The following PTH1R variants were observed in gnomAD, a reference collection of about 807,000 sequenced individuals.
PTH1R encodes the protein parathyroid hormone/parathyroid hormone-related peptide receptor.
PTH1R carries 32 observed loss-of-function variants against 70.7 expected under a neutral mutation model. The observed-to-expected ratio is 0.45, with a 90% CI of 0.34 to 0.61. PTH1R has a LOEUF of 0.61. Among genes scored for constraint, PTH1R ranks in the 20% least tolerant of loss-of-function variants. The pLI, the probability that PTH1R is intolerant of heterozygous loss-of-function variation, is 0.01. For missense variants in PTH1R, 626 were observed against 792.5 expected (o/e 0.79, Z 2.52); for synonymous variants, 329 against 324.8 (o/e 1.01, Z -0.14).
chr3:46,883,360 T>C lies in PTH1R; in HGVS notation c.-48-152T>C, dbSNP rs1559527370. On this transcript the variant is annotated intron_variant, in intron 2 of 15. Transcript: ENST00000449590. The surrounding 1 kb of genome is among the most constrained non-coding windows in gnomAD (Gnocchi z 6.4). The stretch of plus-strand genomic sequence containing the variant: ...CCCTCCCTCCCTCCCTCCTTTGCGC[T>C]GCTCGCTCGCTCGCTCGCTCGCTCG... 1 of 140,898 alleles carries C rather than the reference T, an allele frequency of 7.1e-6. No homozygotes were observed. Among genetic ancestry groups the C allele is most frequent in the South Asian group, 2.5e-4 (1 of 4,008 alleles). 8.7% of individuals were successfully genotyped at this position (140,898 alleles called of 1,614,324 possible).
chr3:46,882,810 C>A lies in PTH1R; in HGVS notation c.-48-702C>A, dbSNP rs2106952188. Among the ~76,000 whole-genome samples, 1 of 152,094 alleles carries A rather than the reference C, an allele frequency of 6.6e-6. No homozygotes were observed. The highest frequency in any genetic ancestry group is 2.1e-4 in the South Asian group (1 of 4,824). Reference sequence around the variant, plus strand: ...GGGGCCGCTGCGCGCCCGAGCCGCACAGGCGCAAGCGGGGCTCTGGCCAAG... The same window carrying A: ...GGGGCCGCTGCGCGCCCGAGCCGCAAAGGCGCAAGCGGGGCTCTGGCCAAG... On this transcript the variant is annotated intron_variant, in intron 2 of 15. Transcript: ENST00000449590. This position sits in a 1 kb window ranked among gnomAD's most constrained non-coding sequence, Gnocchi z 4.3.
rs2032121582 is a variant in PTH1R at position 46,901,569 on chromosome 3, C to T, written c.1116+89C>T. 4.1e-6 allele frequency: 6 copies of T among 1,462,170 alleles called. No individual in the cohort carries two copies. The highest frequency in any genetic ancestry group is 3.7e-6 in the Non-Finnish European group (4 of 1,069,118). 90.6% of individuals were successfully genotyped at this position (1,462,170 alleles called of 1,614,324 possible). ...CAGCCCCTGACAGGGACCTAGGAGG[C>T]TTCCCTGGACCCCAGTGTCAGAGCT... On this transcript the variant is annotated intron_variant, in intron 12 of 15. Coordinates refer to ENST00000449590, the MANE Select transcript of PTH1R (RefSeq NM_000316.3). The surrounding 1 kb of genome is among the most constrained non-coding windows in gnomAD (Gnocchi z 7.3).
chr3:46,901,270 G>C lies in PTH1R; in HGVS notation c.1050-144G>C. 6 of 1,252,722 alleles carry C rather than the reference G, an allele frequency of 4.8e-6. No individual in the cohort carries two copies. The allele number at this position is 1,252,722 out of a possible 1,614,324, so 77.6% of individuals were successfully genotyped here. On this transcript the variant is annotated intron_variant, in intron 11 of 15. Coordinates refer to ENST00000449590, the MANE Select transcript of PTH1R (RefSeq NM_000316.3). This position sits in a 1 kb window ranked among gnomAD's most constrained non-coding sequence, Gnocchi z 7.3. ...AGGCTACTTCCAAAGAGGCCTGTGA[G>C]GGAGGCCTCAGGCCTGGCCACACCC... is the stretch of plus-strand genomic sequence containing the variant.
intron 3 of PTH1R, among the ~76,000 whole-genome samples, chr3:46,886,230 G>A (rs1553641650): frequency 6.6e-6 from 1 of 152,234 alleles, no homozygotes. Flanking sequence ...AGCTCAGCAT[G>A]GGGCAGGCCT....
At position 46,884,641 on chromosome 3, in the gene PTH1R, G is replaced by A. The variant is rs1027713914; in HGVS notation, c.75+1007G>A. Among the ~76,000 whole-genome samples the A allele has an allele frequency of 6.6e-6, 1 of 152,146 alleles. No homozygotes were observed. Among genetic ancestry groups the A allele is most frequent in the Non-Finnish European group, 1.5e-5 (1 of 68,018 alleles). ...GCCTCTTCTCCCTGCTCCCCAGTGG[G>A]GGTATCTGCCTGCTAGAGAGCAGGG... On this transcript the variant is annotated intron_variant, in intron 3 of 15. Coordinates refer to ENST00000449590, the MANE Select transcript of PTH1R (RefSeq NM_000316.3). The surrounding 1 kb of genome is among the most constrained non-coding windows in gnomAD (Gnocchi z 4.8).
chr3:46,897,859 C>T lies in PTH1R; in HGVS notation c.318C>T (p.Arg106=). ...EAPTGSRYRG[R]PCLPEWDHIL... ...CCTGTCTGTCTCTGGGCACAGGGCGCCCCTGTCTGCCGGAATGGGACCACA... is the reference window on the plus strand; with the variant it reads ...CCTGTCTGTCTCTGGGCACAGGGCGTCCCTGTCTGCCGGAATGGGACCACA... Residue 106 remains arginine, a synonymous_variant, in exon 6 of 16, where the codon CGC becomes CGT. Transcript: ENST00000449590. 2 of 1,612,926 alleles carry T rather than the reference C, an allele frequency of 1.2e-6. No individual in the cohort carries two copies. Among genetic ancestry groups the T allele is most frequent in the Non-Finnish European group, 1.7e-6 (2 of 1,179,888 alleles).
chr3:46,893,330 C>G lies in PTH1R; in HGVS notation c.76-577C>G, dbSNP rs1351667841. On this transcript the variant is annotated intron_variant, in intron 3 of 15. Transcript: ENST00000449590. This position sits in a 1 kb window ranked among gnomAD's most constrained non-coding sequence, Gnocchi z 5.2. Reference sequence around the variant, plus strand: ...CGCATGCCAACAGTTCCTCCATCCTCTCTTTCTCTCTCTTGGGATTGTAAG... The same window carrying G: ...CGCATGCCAACAGTTCCTCCATCCTGTCTTTCTCTCTCTTGGGATTGTAAG... Among the ~76,000 whole-genome samples, 1 of 152,180 alleles carries G rather than the reference C, an allele frequency of 6.6e-6. No homozygotes were observed.
At chr3:46,887,485 A>G (rs937700138) in intron 3 of PTH1R, among the ~76,000 whole-genome samples, 1 of 148,508 alleles carries the variant, frequency 6.7e-6, no homozygotes, top group African/African-American at 2.5e-5. Flanking sequence ...AAAGAGAGAG[A>G]GTCAATCAAT....
At chr3:46,900,906 C>T in intron 10 of PTH1R, 119 bp from the exon 11 acceptor site, 2 of 1,121,512 alleles carry the variant, frequency 1.8e-6, no homozygotes, top group Non-Finnish European at 2.6e-6. Flanking sequence ...GGACCAAGTG[C>T]CCAGTGTCAG....
chr3:46,879,689 G>T lies in PTH1R; in HGVS notation c.-105-1373G>T, dbSNP rs539749177. ...TTGAGCCCAGGAGGTCAAGGCTGCT[G>T]TGAGCCATGACCGTGCCACTGCACT... is the stretch of plus-strand genomic sequence containing the variant. On this transcript the variant is annotated intron_variant, in intron 1 of 15. Transcript: ENST00000449590. This position sits in a 1 kb window ranked among gnomAD's most constrained non-coding sequence, Gnocchi z 4.7. Among the ~76,000 whole-genome samples the T allele has an allele frequency of 2.0e-4, 31 of 152,314 alleles. No individual in the cohort carries two copies. Among genetic ancestry groups the T allele is most frequent in the Non-Finnish European group, 4.3e-4 (29 of 68,032 alleles).
At chr3:46,897,320 C>T (rs1289934943) in intron 5 of PTH1R, among the ~76,000 whole-genome samples, 1 of 152,228 alleles carries the variant, frequency 6.6e-6, no homozygotes, top group African/African-American at 2.4e-5. Context: ...GTACCTGTAT[C>T]GCAGAGGCCA....
Position 46,902,154 on chromosome 3 carries a change from G to A in PTH1R, c.1211+294G>A, listed in dbSNP as rs1322492429. ...AAGAGTTGGTTGCAGGGGGTCTGAG[G>A]AACAGGTAGGCGGTGAGTGGCCCCG... On this transcript the variant is annotated intron_variant, in intron 13 of 15. Transcript: ENST00000449590. This position sits in a 1 kb window ranked among gnomAD's most constrained non-coding sequence, Gnocchi z 5.4. Among the ~76,000 whole-genome samples the A allele has an allele frequency of 6.6e-6, 1 of 152,174 alleles. No individual in the cohort carries two copies. Among genetic ancestry groups the A allele is most frequent in the African/African-American group, 2.4e-5 (1 of 41,436 alleles).
rs1202184186 is a variant in PTH1R at position 46,883,648 on chromosome 3, C to G, written c.75+14C>G. The G allele has an allele frequency of 5.8e-6, 9 of 1,545,856 alleles. No individual in the cohort carries two copies. The African/African-American group carries it at 1.1e-4, about 19-fold the overall frequency. ...GCGTACGCGCTGGTGAGTCCCCCGC[C>G]GCCAACACTCCGGGACAGGCTGCGG... is the stretch of plus-strand genomic sequence containing the variant. On this transcript the variant is annotated intron_variant, in intron 3 of 15. Coordinates refer to ENST00000449590, the MANE Select transcript of PTH1R (RefSeq NM_000316.3). This position sits in a 1 kb window ranked among gnomAD's most constrained non-coding sequence, Gnocchi z 6.4.
intron 9 of PTH1R, among the ~76,000 whole-genome samples, 163 bp downstream of exon 9, chr3:46,899,020 T>C (rs1227570824): frequency 6.6e-6 from 1 of 152,150 alleles, no homozygotes; most frequent in East Asian, 1.9e-4. Context: ...CCCTCAGCTC[T>C]GCCGCCGACC....
chr3:46,892,758 T>TTG lies in PTH1R; in HGVS notation c.76-1148_76-1147dup. The TTG allele has an allele frequency of 1.0e-6, 1 of 985,700 alleles. No individual in the cohort carries two copies. 61.1% of individuals were successfully genotyped at this position (985,700 alleles called of 1,614,324 possible). A position where few individuals can be genotyped will look rare whatever the true frequency, so the allele number is the denominator to read the frequency against. ...CGGACTGCAGGGCCCCGGCCCCGCCTTGGCGCGTCTGAAGGATGCAGCTCT... is the reference window on the plus strand; with the variant it reads ...CGGACTGCAGGGCCCCGGCCCCGCCTTGTGGCGCGTCTGAAGGATGCAGCTCT... On this transcript the variant is annotated intron_variant, in intron 3 of 15. Coordinates refer to ENST00000449590, the MANE Select transcript of PTH1R (RefSeq NM_000316.3). The surrounding 1 kb of genome is among the most constrained non-coding windows in gnomAD (Gnocchi z 5.2).
chr3:46,896,639 C>T lies in PTH1R; in HGVS notation c.313+770C>T, dbSNP rs973320375. 6.6e-6 allele frequency among the ~76,000 whole-genome samples: 1 copy of T among 152,200 alleles called. No individual in the cohort carries two copies. Among genetic ancestry groups the T allele is most frequent in the Non-Finnish European group, 1.5e-5 (1 of 68,036 alleles). On this transcript the variant is annotated intron_variant, in intron 5 of 15. Transcript: ENST00000449590. This position sits in a 1 kb window ranked among gnomAD's most constrained non-coding sequence, Gnocchi z 4.1. ...GCGCCCAGGACAGAGAGCCTTTCAC[C>T]AAGCCAGGGCGGGTCCAGCCATCAA...
intron 1 of PTH1R, among the ~76,000 whole-genome samples, chr3:46,878,220 C>A (rs1422252338): frequency 9.9e-5 from 15 of 152,228 alleles, no homozygotes; most frequent in Admixed American, 9.8e-4. Context: ...GAGCCTCCAG[C>A]GACTCAGCTG....
rs565253062 is a variant in PTH1R, at chr3:46,891,211, T to C, written c.76-2696T>C. Among the ~76,000 whole-genome samples, 89 of 152,404 alleles carry C rather than the reference T, an allele frequency of 5.8e-4. No individual in the cohort carries two copies. The highest frequency in any genetic ancestry group is 2.4e-3 in the Admixed American group (37 of 15,310). On this transcript the variant is annotated intron_variant, in intron 3 of 15. Transcript: ENST00000449590. The surrounding 1 kb of genome is among the most constrained non-coding windows in gnomAD (Gnocchi z 4.3). The stretch of plus-strand genomic sequence containing the variant: ...GTCATGCGTGCTGGAAGCACATATC[T>C]TTCCCTCTCCTGAACATCCCAACTC...
chr3:46,901,441 A>G lies in PTH1R; in HGVS notation c.1077A>G (p.Lys359=), dbSNP rs2032110158. The G allele has an allele frequency of 6.3e-7, 1 of 1,577,006 alleles. No individual in the cohort carries two copies. ...GCTGGGACTTGAGCTCCGGGAACAA[A>G]AAGTGGATCATCCAGGTGCCCATCC... The part of the protein sequence containing the change: ...TGCWDLSSGN[K]KWIIQVPILA... The change falls in exon 12 of 16, where the codon AAA becomes AAG. Residue 359 remains lysine, a synonymous_variant. Coordinates refer to ENST00000449590, the MANE Select transcript of PTH1R (RefSeq NM_000316.3). The surrounding 1 kb of genome is among the most constrained non-coding windows in gnomAD (Gnocchi z 7.3).
Sources: allele counts gnomAD v4.1 joint callset (sites outside exome capture counted in the v4.1 genomes callset), GRCh38; gene constraint gnomAD v4.1.1; non-coding constraint Gnocchi (gnomAD v3.1); transcripts MANE v1.5; gene names NCBI Gene and HGNC (gene_info 2026-07-23, HGNC 2026-07-21).